The following DPP10 variants were observed in gnomAD, a reference collection of about 807,000 sequenced individuals.
The protein encoded by DPP10 is dipeptidyl peptidase like 10.
A neutral mutation model predicts 120.9 loss-of-function variants in DPP10; 33 were observed. That is an observed-to-expected ratio of 0.27 (90% CI 0.21 to 0.37). The LOEUF is 0.37. Ranked by LOEUF, DPP10 falls within the 10% of genes least tolerant of loss-of-function variation. The pLI is 1.00. For synonymous variants in DPP10, 337 were observed against 326.1 expected (o/e 1.03, Z -0.36); for missense variants, 816 against 942.8 (o/e 0.87, Z 1.76).
At chr2:115,597,969 T>A (rs1231968933) in intron 5 of DPP10, among the ~76,000 whole-genome samples, 1 of 152,118 alleles carries the variant, frequency 6.6e-6, no homozygotes, top group Non-Finnish European at 1.5e-5. Context: ...TATAAACATG[T>A]ATGATTGTTG....
chr2:114,480,808 G>A (rs977841909), intron 1 of DPP10, among the ~76,000 whole-genome samples: 3 of 151,678 alleles, frequency 2.0e-5, no homozygotes, highest in Admixed American at 6.6e-5. Flanking sequence ...GTATACATAC[G>A]TAACAAACCT....
intron 11 of DPP10, among the ~76,000 whole-genome samples, chr2:115,756,419 A>G (rs903765896): frequency 6.6e-6 from 1 of 152,168 alleles, no homozygotes; most frequent in Non-Finnish European, 1.5e-5. Context: ...CATTTTTTAC[A>G]TGTATCAAAA....
intron 4 of DPP10, among the ~76,000 whole-genome samples, chr2:115,503,486 G>C (rs565175938): frequency 6.6e-6 from 1 of 152,138 alleles, no homozygotes; most frequent in African/African-American, 2.4e-5. Flanking sequence ...CACAGATAAA[G>C]AATTACTGAA....
chr2:114,459,262 C>T (rs950044565), intron 1 of DPP10, among the ~76,000 whole-genome samples: 1 of 152,150 alleles, frequency 6.6e-6, no homozygotes, highest in Non-Finnish European at 1.5e-5. Context: ...CAGCATGTAA[C>T]ATGTACTACT....
intron 1 of DPP10, among the ~76,000 whole-genome samples, chr2:114,443,992 A>G (rs779719707): frequency 6.6e-6 from 1 of 152,134 alleles, no homozygotes; most frequent in Non-Finnish European, 1.5e-5. Context: ...ATGTTCCTCT[A>G]TTTATTAGCA....
At chr2:114,929,445 T>C (rs2104487642) in intron 1 of DPP10, among the ~76,000 whole-genome samples, 1 of 152,216 alleles carries the variant, frequency 6.6e-6, no homozygotes, top group Non-Finnish European at 1.5e-5. Flanking sequence ...AGACAGACAC[T>C]CCCAGAGTGT....
chr2:114,895,148 A>G (rs1692859926), intron 1 of DPP10, among the ~76,000 whole-genome samples: 1 of 152,118 alleles, frequency 6.6e-6, no homozygotes, highest in South Asian at 2.1e-4. Flanking sequence ...CCATTTAAGT[A>G]TTGACTACTA....
intron 1 of DPP10, among the ~76,000 whole-genome samples, chr2:114,831,437 T>C (rs1290726191): frequency 1.3e-5 from 2 of 152,166 alleles, no homozygotes; most frequent in African/African-American, 4.8e-5. Context: ...CTCAGAAATG[T>C]AGGCTTTGGA....
At chr2:115,163,440 T>A (rs1172018519) in intron 1 of DPP10, among the ~76,000 whole-genome samples, 1 of 152,218 alleles carries the variant, frequency 6.6e-6, no homozygotes, top group East Asian at 1.9e-4. Flanking sequence ...GGGTTGAATG[T>A]TGGCAGTTCT....
At chr2:115,491,220 A>T (rs1314362448) in intron 3 of DPP10, among the ~76,000 whole-genome samples, 1 of 152,218 alleles carries the variant, frequency 6.6e-6, no homozygotes, top group East Asian at 1.9e-4. Flanking sequence ...CTCCAACTAC[A>T]GCAAACACTG....
chr2:114,497,330 T>TACATGTACATATACATAC (rs74189815), intron 1 of DPP10, among the ~76,000 whole-genome samples: 3 of 34,870 alleles, frequency 8.6e-5, no homozygotes, highest in Non-Finnish European at 2.3e-4. Context: ...TATACGTGTA[T>TACATGTACATATACATAC]ACATGTACAT....
At chr2:115,367,561 T>G (rs2065151783) in intron 3 of DPP10, among the ~76,000 whole-genome samples, 2 of 152,014 alleles carry the variant, frequency 1.3e-5, no homozygotes, top group African/African-American at 4.8e-5. Context: ...TTTTTCTACT[T>G]TCTTTATACT....
chr2:114,645,121 G>A (rs960673922), intron 1 of DPP10, among the ~76,000 whole-genome samples: 1 of 152,146 alleles, frequency 6.6e-6, no homozygotes, highest in Non-Finnish European at 1.5e-5. Context: ...GGACACACTT[G>A]CTTTGTCTGA....
At chr2:114,744,780 T>C (rs1678412513) in intron 1 of DPP10, among the ~76,000 whole-genome samples, 1 of 152,084 alleles carries the variant, frequency 6.6e-6, no homozygotes, top group Non-Finnish European at 1.5e-5. Context: ...TGTTTTTTTT[T>C]AGACGGAGTC....
intron 1 of DPP10, among the ~76,000 whole-genome samples, chr2:115,079,408 C>G (rs1235501217): frequency 1.3e-5 from 2 of 150,700 alleles, no homozygotes; most frequent in African/African-American, 2.4e-5. Context: ...TTAAAAAAAT[C>G]AGAGATTAAC....
At chr2:115,109,848 C>G (rs763728651) in intron 1 of DPP10, among the ~76,000 whole-genome samples, 24 of 152,068 alleles carry the variant, frequency 1.6e-4, no homozygotes, top group Non-Finnish European at 2.6e-4. Context: ...CAGAGCCCCC[C>G]GCAAGAAAGA....
intron 1 of DPP10, among the ~76,000 whole-genome samples, chr2:115,223,754 G>A (rs2057296762): frequency 6.6e-6 from 1 of 152,026 alleles, no homozygotes; most frequent in Admixed American, 6.6e-5. Flanking sequence ...AGTACTGAAG[G>A]GGAAAGTTGG....
chr2:115,320,029 TA>T (rs2061983229), intron 2 of DPP10, among the ~76,000 whole-genome samples: 1 of 152,228 alleles, frequency 6.6e-6, no homozygotes. Context: ...GGAAGGGGAA[TA>T]TAATCATTCA....
At chr2:115,053,530 A>G (rs1446603980) in intron 1 of DPP10, among the ~76,000 whole-genome samples, 1 of 152,214 alleles carries the variant, frequency 6.6e-6, no homozygotes, top group Non-Finnish European at 1.5e-5. Context: ...ATGTTCTACA[A>G]TTAGATTGTT....
Sources: gnomAD v4.1 joint callset for allele counts (sites outside exome capture counted in the v4.1 genomes callset) on GRCh38, gnomAD v4.1.1 for gene constraint, MANE v1.5 for transcripts, NCBI Gene and HGNC (gene_info 2026-07-23, HGNC 2026-07-21) for gene names.